LARP1B: variants seen among roughly 807,000 people sequenced by gnomAD.
LARP1B encodes La ribonucleoprotein 1B.
Under a neutral mutation model 114.2 loss-of-function variants are expected in LARP1B, and 76 were observed. The observed-to-expected ratio is 0.67, with a 90% CI of 0.55 to 0.81. The LOEUF (loss-of-function observed/expected upper bound fraction) is 0.81. Ranked by LOEUF, LARP1B falls within the 30% of genes least tolerant of loss-of-function variation. LARP1B has a pLI of 0.00. For missense variants in LARP1B, 1,014 were observed against 1,075.8 expected (o/e 0.94, Z 0.80); for synonymous variants, 345 against 348.0 (o/e 0.99, Z 0.10).
intron 8 of LARP1B, among the ~76,000 whole-genome samples, chr4:128,098,767 A>ATATATATTTTTTTT (rs1328165907): frequency 2.9e-5 from 1 of 35,036 alleles, no homozygotes; most frequent in Non-Finnish European, 4.8e-5. Context: ...ATATATATAT[A>ATATATATTTTTTTT]TTTTTTTTTT....
At chr4:128,098,538 G>T (rs1778875995) in intron 8 of LARP1B, among the ~76,000 whole-genome samples, 1 of 151,010 alleles carries the variant, frequency 6.6e-6, no homozygotes, top group Non-Finnish European at 1.5e-5. Flanking sequence ...ATGTTACTGT[G>T]TATTTTCTCC....
At chr4:128,087,850 G>C (rs1279270490) in intron 5 of LARP1B, among the ~76,000 whole-genome samples, 2 of 151,656 alleles carry the variant, frequency 1.3e-5, no homozygotes, top group African/African-American at 4.9e-5. Context: ...GTGTGGGGGG[G>C]AGCATATATA....
rs908525833 is a variant in LARP1B, at chr4:128,118,919, C to A, written c.1162-2907C>A. Among the ~76,000 whole-genome samples the A allele has an allele frequency of 1.5e-4, 22 of 151,266 alleles. No homozygotes were observed. In the East Asian group the frequency reaches 3.3e-3, roughly 23 times the overall value. On this transcript the variant is annotated intron_variant, in intron 10 of 19. Coordinates refer to ENST00000326639, the MANE Select transcript of LARP1B (RefSeq NM_018078.4). ...TGAGACAGAGTTTCGCTCTTGTTGC[C>A]CAGGCTGGAGTGCAATGGCAGTGTG...
At position 128,074,470 on chromosome 4, in the gene LARP1B, C is replaced by T; in HGVS notation, c.-67C>T. 2 of 878,070 alleles carry T rather than the reference C, an allele frequency of 2.3e-6. No individual in the cohort carries two copies. The highest frequency in any genetic ancestry group is 2.7e-6 in the Non-Finnish European group (2 of 731,772). 54.4% of individuals were successfully genotyped at this position (878,070 alleles called of 1,614,324 possible). On this transcript the variant is annotated 5_prime_UTR_variant, in exon 2 of 20. Coordinates refer to ENST00000326639, the MANE Select transcript of LARP1B (RefSeq NM_018078.4). ...ATATATTTTCTTTAGAATTCGGTTC[C>T]CTCAAAATTATAAAGGCAGGAAAGC...
At chr4:128,063,561 C>T (rs556777132) in intron 1 of LARP1B, among the ~76,000 whole-genome samples, 1 of 151,754 alleles carries the variant, frequency 6.6e-6, no homozygotes, top group African/African-American at 2.4e-5. Flanking sequence ...AGGTGGATCA[C>T]CTGAGGTCAG....
intron 19 of LARP1B, among the ~76,000 whole-genome samples, chr4:128,209,637 G>A (rs556319568): frequency 8.6e-5 from 13 of 151,398 alleles, no homozygotes; most frequent in South Asian, 8.4e-4. Flanking sequence ...GCGGAAGAAT[G>A]GCGTGAACCC....
At chr4:128,192,735 C>T (rs1752661918) in intron 15 of LARP1B, among the ~76,000 whole-genome samples, 1 of 152,140 alleles carries the variant, frequency 6.6e-6, no homozygotes. Flanking sequence ...GTACCACAGT[C>T]TACTTTCAAA....
intron 4 of LARP1B, among the ~76,000 whole-genome samples, chr4:128,078,465 G>A (rs1231365900): frequency 2.6e-5 from 4 of 152,000 alleles, no homozygotes; most frequent in Non-Finnish European, 5.9e-5. Context: ...GCCGAACATC[G>A]TGTTGCGCAC....
At chr4:128,069,119 C>T (rs1312898829) in intron 1 of LARP1B, 1 of 1,092,928 alleles carries the variant, frequency 9.1e-7, no homozygotes, top group African/African-American at 1.5e-5. Flanking sequence ...GGCTATGGCT[C>T]TTTCGGCCTG....
chr4:128,216,711 A>G (rs1486993860), downstream of LARP1B, among the ~76,000 whole-genome samples: 1 of 151,264 alleles, frequency 6.6e-6, no homozygotes, highest in Non-Finnish European at 1.5e-5. Flanking sequence ...CAAAATTGAC[A>G]CCCTAACATC....
intron 11 of LARP1B, among the ~76,000 whole-genome samples, chr4:128,139,242 T>A (rs1726832362): frequency 6.6e-6 from 1 of 152,210 alleles, no homozygotes; most frequent in Non-Finnish European, 1.5e-5. Flanking sequence ...AAATGGCACA[T>A]GTACCCCAGA....
Position 128,098,292 on chromosome 4 carries a change from G to T in LARP1B, c.775G>T (p.Val259Phe). Residue 259 changes from valine (V) to phenylalanine (F), a missense_variant, in exon 8 of 20, where the codon GTT (valine) becomes TTT (phenylalanine). Transcript: ENST00000326639. The part of the protein sequence containing the change: ...PISLIAGFQR[V>F]QALTTNLNLI... ...TTCCCTGATTGCTGGTTTTCAGCGT[G>T]TTCAGGCTCTCACTACAAACCTTAA... 2 of 1,613,856 alleles carry T rather than the reference G, an allele frequency of 1.2e-6. No homozygotes were observed. The highest frequency in any genetic ancestry group is 1.7e-6 in the Non-Finnish European group (2 of 1,179,836).
intron 11 of LARP1B, chr4:128,156,268 A>T: frequency 1.9e-6 from 2 of 1,051,916 alleles, no homozygotes; most frequent in Non-Finnish European, 2.9e-6. Flanking sequence ...TTCCCCCACC[A>T]GTCCAGCTGG....
intron 8 of LARP1B, among the ~76,000 whole-genome samples, chr4:128,101,382 A>G (rs567794112): frequency 9.4e-4 from 143 of 151,762 alleles, no homozygotes; most frequent in African/African-American, 3.4e-3. Context: ...GAGACAGGAG[A>G]ATTGATTTTA....
At chr4:128,157,822 A>G (rs1464325558) in intron 11 of LARP1B, among the ~76,000 whole-genome samples, 1 of 152,216 alleles carries the variant, frequency 6.6e-6, no homozygotes, top group East Asian at 1.9e-4. Context: ...ATATTATCAG[A>G]GAAATGAAAA....
intron 5 of LARP1B, among the ~76,000 whole-genome samples, 156 bp downstream of exon 5, chr4:128,082,461 T>C (rs2149464203): frequency 6.6e-6 from 1 of 152,290 alleles, no homozygotes; most frequent in Middle Eastern, 3.4e-3. Context: ...ATAAGAACAA[T>C]ATAACCGTAA....
At position 128,085,353 on chromosome 4, in the gene LARP1B, CTTTTT is replaced by C. The variant is rs35260726; in HGVS notation, c.358+3068_358+3072del. ...GACTTTTCAAACAAGCCTTAGCTTCCTTTTTTTTTTTTTTTTTTTTTTTTAAATAA... is the reference window on the plus strand; with the variant it reads ...GACTTTTCAAACAAGCCTTAGCTTCCTTTTTTTTTTTTTTTTTTTAAATAA... On this transcript the variant is annotated intron_variant, in intron 5 of 19. Transcript: ENST00000326639. 1.0e-4 allele frequency among the ~76,000 whole-genome samples: 9 copies of C among 85,832 alleles called. No homozygotes were observed. In the South Asian group the frequency reaches 2.2e-3, roughly 21 times the overall value. The allele number at this position is 85,832 out of a possible 152,430, so 56.3% of individuals were successfully genotyped here.
At chr4:128,065,317 C>CTTTCTTTCTTTCTTTCTTTCTT (rs781646479) in intron 1 of LARP1B, among the ~76,000 whole-genome samples, 1 of 77,070 alleles carries the variant, frequency 1.3e-5, no homozygotes, top group Non-Finnish European at 2.9e-5. Flanking sequence ...TTCTTTCTTT[C>CTTTCTTTCTTTCTTTCTTTCTT]TCTCTCTCTC....
intron 1 of LARP1B, among the ~76,000 whole-genome samples, chr4:128,066,389 A>C (rs1762871998): frequency 6.6e-6 from 1 of 151,148 alleles, no homozygotes; most frequent in Non-Finnish European, 1.5e-5. Flanking sequence ...CATCTTAGCC[A>C]GGATGGTCTC....
Sources: allele counts gnomAD v4.1 joint callset (sites outside exome capture counted in the v4.1 genomes callset), GRCh38; gene constraint gnomAD v4.1.1; transcripts MANE v1.5; gene names NCBI Gene and HGNC (gene_info 2026-07-23, HGNC 2026-07-21).